HEMK2: variants seen among roughly 807,000 people sequenced by gnomAD.
HEMK2 encodes HemK methyltransferase 2, ETF1 glutamine and histone H4 lysine, also known as methyltransferase HEMK2.
At chr21:28,798,506 G>GTT in the HEMK2 span, among the ~76,000 whole-genome samples, 6 of 149,236 alleles carry the variant, frequency 4.0e-5, no homozygotes, top group East Asian at 2.0e-4. Flanking sequence ...AAGTAAGCCT[G>GTT]TTTTTTTTTT....
the HEMK2 span, among the ~76,000 whole-genome samples, chr21:28,630,853 A>G: frequency 1.2e-4 from 18 of 152,012 alleles, no homozygotes; most frequent in Admixed American, 2.6e-4. Context: ...TGGGTGCAGC[A>G]CACCAACACG....
chr21:28,662,735 A>G, the HEMK2 span, among the ~76,000 whole-genome samples: 3 of 149,384 alleles, frequency 2.0e-5, no homozygotes, highest in Non-Finnish European at 4.4e-5. Context: ...CATCATGTGA[A>G]GAAGGACGTG....
chr21:28,709,916 G>A, the HEMK2 span, among the ~76,000 whole-genome samples: 19 of 152,280 alleles, frequency 1.2e-4, no homozygotes, highest in Non-Finnish European at 2.4e-4. Context: ...AAGGATTTAG[G>A]TTACTTTGAA....
chr21:28,722,605 G>T, the HEMK2 span, among the ~76,000 whole-genome samples: 1 of 152,210 alleles, frequency 6.6e-6, no homozygotes, highest in Non-Finnish European at 1.5e-5. Flanking sequence ...CCATAGGCCG[G>T]GCACGGTGGC....
At chr21:28,827,674 C>G in the HEMK2 span, among the ~76,000 whole-genome samples, 1 of 152,246 alleles carries the variant, frequency 6.6e-6, no homozygotes, top group Non-Finnish European at 1.5e-5. Context: ...TGTTCAAGAT[C>G]TTAACCACTA....
chr21:28,626,682 T>A, the HEMK2 span: 1 of 151,934 alleles, frequency 6.6e-6, no homozygotes, highest in African/African-American at 2.4e-5. Flanking sequence ...CATCTCTACA[T>A]AAACAATAAA....
the HEMK2 span, among the ~76,000 whole-genome samples, chr21:28,629,751 T>C: frequency 6.6e-6 from 1 of 152,164 alleles, no homozygotes; most frequent in African/African-American, 2.4e-5. Flanking sequence ...CATGTGAAGG[T>C]TGTTTATCTT....
the HEMK2 span, among the ~76,000 whole-genome samples, chr21:28,693,330 C>A: frequency 6.6e-6 from 1 of 152,072 alleles, no homozygotes. Flanking sequence ...AAGCGTGCAC[C>A]ATTTGCCCAA....
At chr21:28,693,825 G>A in the HEMK2 span, among the ~76,000 whole-genome samples, 4 of 152,156 alleles carry the variant, frequency 2.6e-5, no homozygotes, top group Middle Eastern at 3.4e-3. Context: ...CTTATACACT[G>A]CCAGAAAGAA....
the HEMK2 span, among the ~76,000 whole-genome samples, chr21:28,729,481 T>C: frequency 2.6e-3 from 394 of 152,280 alleles, 2 homozygotes; most frequent in African/African-American, 8.9e-3. Context: ...GGAAGAGCAC[T>C]GTCTCAGGCA....
At chr21:28,684,123 C>T in the HEMK2 span, among the ~76,000 whole-genome samples, 154 of 152,340 alleles carry the variant, frequency 1.0e-3, no homozygotes, top group African/African-American at 3.5e-3. Flanking sequence ...CACCTATATG[C>T]AGACCACAAA....
chr21:28,695,953 A>G, the HEMK2 span, among the ~76,000 whole-genome samples: 1 of 152,112 alleles, frequency 6.6e-6, no homozygotes, highest in Non-Finnish European at 1.5e-5. Context: ...TGATAAAGAC[A>G]TACCCGAGAC....
At chr21:28,836,682 T>C in the HEMK2 span, among the ~76,000 whole-genome samples, 1 of 152,130 alleles carries the variant, frequency 6.6e-6, no homozygotes, top group Non-Finnish European at 1.5e-5. Context: ...TGAATGTAAA[T>C]GATGTAAATG....
chr21:28,803,579 A>G, the HEMK2 span, among the ~76,000 whole-genome samples: 1 of 152,182 alleles, frequency 6.6e-6, no homozygotes. Context: ...ATGCCAAAGA[A>G]GGAAATATAT....
the HEMK2 span, among the ~76,000 whole-genome samples, chr21:28,625,746 A>G: frequency 1.3e-5 from 2 of 152,104 alleles, no homozygotes; most frequent in African/African-American, 4.8e-5. Context: ...AAAATTAAAA[A>G]AACAGAGACT....
chr21:28,623,733 A>T, the HEMK2 span, among the ~76,000 whole-genome samples: 3 of 152,216 alleles, frequency 2.0e-5, no homozygotes, highest in Non-Finnish European at 4.4e-5. Context: ...TCACACAGGA[A>T]CAGAAAACCA....
chr21:28,588,358 T>C, the HEMK2 span, among the ~76,000 whole-genome samples: 2 of 152,180 alleles, frequency 1.3e-5, no homozygotes, highest in African/African-American at 4.8e-5. Context: ...GTTCCTTACA[T>C]ATTGATGGTT....
chr21:28,667,370 G>T, the HEMK2 span, among the ~76,000 whole-genome samples: 1 of 152,108 alleles, frequency 6.6e-6, no homozygotes, highest in East Asian at 1.9e-4. Context: ...GAAAGAATTA[G>T]AATATGGGAA....
chr21:28,699,488 T>C, the HEMK2 span, among the ~76,000 whole-genome samples: 1 of 152,228 alleles, frequency 6.6e-6, no homozygotes, highest in African/African-American at 2.4e-5. Flanking sequence ...TGAATTATTT[T>C]AGGAGAAAGA....
Sources: allele counts gnomAD v4.1 joint callset (sites outside exome capture counted in the v4.1 genomes callset), GRCh38; gene constraint gnomAD v4.1.1; transcripts MANE v1.5; gene names NCBI Gene and HGNC (gene_info 2026-07-23, HGNC 2026-07-21).